FREM1: variants seen among roughly 807,000 people sequenced by gnomAD.
FREM1 encodes the protein FRAS1-related extracellular matrix protein 1.
Under a neutral mutation model 210.1 loss-of-function variants are expected in FREM1, and 220 were observed. The observed-to-expected ratio is 1.05, with a 90% confidence interval of 0.94 to 1.17. The LOEUF is 1.17. Ranked by LOEUF, FREM1 falls within the 50% of genes most tolerant of loss-of-function variation. FREM1 has a pLI of 0.00. For synonymous variants in FREM1, 1,189 were observed against 980.2 expected, an observed-to-expected ratio of 1.21 and a Z score of -3.98; for missense variants, 3,454 against 2,675.5, an observed-to-expected ratio of 1.29 and a Z score of -6.42.
chr9:14,862,267 T>C (rs1830727227), intron 3 of FREM1, among the ~76,000 whole-genome samples: 1 of 152,232 alleles, frequency 6.6e-6, no homozygotes, highest in African/African-American at 2.4e-5. Flanking sequence ...CTGTAATAGG[T>C]GGTCATAAAT....
intron 1 of FREM1, among the ~76,000 whole-genome samples, chr9:14,896,886 G>T (rs1355664428): frequency 1.3e-5 from 2 of 152,296 alleles, no homozygotes; most frequent in African/African-American, 2.4e-5. Flanking sequence ...ATTCAGCATT[G>T]CTCCTCAAGC....
chr9:14,809,849 A>G (rs1450418056), intron 16 of FREM1, among the ~76,000 whole-genome samples: 1 of 151,602 alleles, frequency 6.6e-6, no homozygotes, highest in Admixed American at 6.6e-5. Context: ...AATGGTAGAG[A>G]AGGAAATGCA....
chr9:14,762,499 GT>G (rs1179443371), intron 27 of FREM1, among the ~76,000 whole-genome samples: 1 of 152,112 alleles, frequency 6.6e-6, no homozygotes, highest in Non-Finnish European at 1.5e-5. Context: ...CAGCTTCAAG[GT>G]ATAAAGGGTC....
rs753711074 is a variant in FREM1 at position 14,824,123 on chromosome 9, G to C, written c.2079-8C>G. On this transcript the variant is annotated splice_polypyrimidine_tract_variant and splice_region_variant and intron_variant, in intron 11 of 36. Transcript: ENST00000380880. The stretch of plus-strand genomic sequence containing the variant: ...TTCCCAGCATCCAAGTGTCTAAAGA[G>C]AAATACAGAGGAGCACATCAGCTCA... 44 of 1,532,972 alleles carry C rather than the reference G, an allele frequency of 2.9e-5. No individual in the cohort carries two copies. Among genetic ancestry groups the C allele is most frequent in the Non-Finnish European group, 3.7e-5 (42 of 1,123,170 alleles). The allele number at this position is 1,532,972 out of a possible 1,614,324, so 95.0% of individuals were successfully genotyped here. A position where few individuals can be genotyped will look rare whatever the true frequency, so the allele number is the denominator to read the frequency against.
chr9:14,887,055 C>T (rs986466897), intron 1 of FREM1, among the ~76,000 whole-genome samples: 1 of 152,066 alleles, frequency 6.6e-6, no homozygotes, highest in Admixed American at 6.5e-5. Flanking sequence ...TAGTTATCCA[C>T]AGGACAACTG....
chr9:14,807,966 T>C lies in FREM1; in HGVS notation c.3062A>G (p.Asp1021Gly). ...YDLNITVYPV[D>G]NQPPSIAIGP... ...TATTGCAATGGAAGGTGGCTGGTTG[T>C]CTACTGGGTATACCGTGATGTTGAG... Residue 1021 changes from aspartate (D) to glycine (G), a missense_variant, in exon 17 of 37, where the codon GAC (aspartate) becomes GGC (glycine). By Grantham distance (94) the Asp-to-Gly change is moderately conservative. Coordinates refer to ENST00000380880, the MANE Select transcript of FREM1 (RefSeq NM_001379081.2). 2 of 1,613,406 alleles carry C rather than the reference T, an allele frequency of 1.2e-6. No homozygotes were observed. Among genetic ancestry groups the C allele is most frequent in the African/African-American group, 1.3e-5 (1 of 75,040 alleles).
At chr9:14,861,503 C>CTTTTT (rs775845478) in intron 3 of FREM1, among the ~76,000 whole-genome samples, 4 of 114,874 alleles carry the variant, frequency 3.5e-5, no homozygotes, top group Admixed American at 1.0e-4. Context: ...AGCATTTATC[C>CTTTTT]TTTTTTTTTT....
chr9:14,782,388 T>C, intron 24 of FREM1: 2 of 974,720 alleles, frequency 2.1e-6, no homozygotes, highest in South Asian at 4.8e-5. Flanking sequence ...TTTCTGAACA[T>C]CTTTATGCAT....
rs756730159 is a variant in FREM1 at position 14,775,984 on chromosome 9, C to G, written c.4662G>C (p.Gln1554His). 6.2e-7 allele frequency: 1 copy of G among 1,614,034 alleles called. No homozygotes were observed. Among genetic ancestry groups the G allele is most frequent in the Non-Finnish European group, 8.5e-7 (1 of 1,179,896 alleles). The change falls in exon 25 of 37, where the codon CAG becomes CAC. Residue 1554 changes from glutamine (Q) to histidine (H), a missense_variant. Physicochemically the swap from Gln to His is conservative, Grantham distance 24. Transcript: ENST00000380880. The stretch of plus-strand genomic sequence containing the variant: ...GTAGCCCTGTCCCCCACAGGTAGAG[C>G]TGGCCATGCTGGGGGAGCTGAACCA... ...FLLVQLPQHG[Q>H]LYLWGTGLLQ...
intron 14 of FREM1, among the ~76,000 whole-genome samples, chr9:14,817,981 G>C (rs1284402238): frequency 2.0e-5 from 3 of 152,178 alleles, no homozygotes; most frequent in Non-Finnish European, 4.4e-5. Flanking sequence ...CACATCCAAA[G>C]GATGACTGGA....
At position 14,806,728 on chromosome 9, in the gene FREM1, C is replaced by A. The variant is rs772475287; in HGVS notation, c.3207G>T (p.Gln1069His). 6.2e-7 allele frequency: 1 copy of A among 1,604,766 alleles called. No individual in the cohort carries two copies. The highest frequency in any genetic ancestry group is 1.7e-5 in the Admixed American group (1 of 58,826). The change falls in exon 18 of 37, where the codon CAG becomes CAT. Residue 1069 changes from glutamine to histidine, a missense_variant. By Grantham distance (24) the Gln-to-His change is conservative. Coordinates refer to ENST00000380880, the MANE Select transcript of FREM1 (RefSeq NM_001379081.2). Reference sequence around the variant, plus strand: ...GGAGTATATTTTCGAGGTAGCCAAACTGAGGAGGAGAAACCAAAACAAATT... The same window carrying A: ...GGAGTATATTTTCGAGGTAGCCAAAATGAGGAGGAGAAACCAAAACAAATT... ...DLEFVLVSPP[Q>H]FGYLENILPS...
At chr9:14,801,953 C>A in intron 19 of FREM1, 79 bp from the exon 20 acceptor site, 1 of 1,012,518 alleles carries the variant, frequency 9.9e-7, no homozygotes. Flanking sequence ...TTAAAGAAAT[C>A]ACTTGAATAT....
intron 8 of FREM1, among the ~76,000 whole-genome samples, chr9:14,844,972 C>A (rs1826329136): frequency 6.6e-6 from 1 of 152,176 alleles, no homozygotes; most frequent in South Asian, 2.1e-4. Context: ...TTAAACTGGC[C>A]TCCCACTGTC....
chr9:14,909,054 G>C (rs1052732665), intron 1 of FREM1, among the ~76,000 whole-genome samples: 1 of 152,108 alleles, frequency 6.6e-6, no homozygotes, highest in African/African-American at 2.4e-5. Flanking sequence ...CGAATCACTA[G>C]CTCTGTTCTG....
chr9:14,784,507 G>T lies in FREM1; in HGVS notation c.4305C>A (p.Ser1435=). ...KPEELLYVIT[S]PPRYGQIEYV... The stretch of plus-strand genomic sequence containing the variant: ...ATTCGATCTGGCCATATCGCGGAGG[G>T]GAGGTGATGACATAGAGCAGTTCCT... Residue 1435 remains serine, a synonymous_variant, in exon 24 of 37, where the codon TCC becomes TCA. Coordinates refer to ENST00000380880, the MANE Select transcript of FREM1 (RefSeq NM_001379081.2). 1 of 1,613,856 alleles carries T rather than the reference G, an allele frequency of 6.2e-7. No individual in the cohort carries two copies. The highest frequency in any genetic ancestry group is 8.5e-7 in the Non-Finnish European group (1 of 1,179,834).
chr9:14,859,391 C>G lies in FREM1; in HGVS notation c.423G>C (p.Val141=), dbSNP rs765748598. The G allele has an allele frequency of 5.0e-6, 8 of 1,613,922 alleles. No homozygotes were observed. In the South Asian group the frequency reaches 8.8e-5, roughly 18 times the overall value. ...AGCCATTGAATTCAGGCACCTCCAGCACATTGTTACTCATATGGATGATGT... is the reference window on the plus strand; with the variant it reads ...AGCCATTGAATTCAGGCACCTCCAGGACATTGTTACTCATATGGATGATGT... ...DCNIIHMSNN[V]LEVPEFNGLS... The change falls in exon 4 of 37, where the codon GTG becomes GTC. Residue 141 remains valine (V), a synonymous_variant. Transcript: ENST00000380880.
chr9:14,833,223 T>C (rs1403731909), intron 10 of FREM1, among the ~76,000 whole-genome samples: 1 of 152,070 alleles, frequency 6.6e-6, no homozygotes, highest in Non-Finnish European at 1.5e-5. Context: ...TAAGAGTGGT[T>C]TAGGGAGGGT....
At chr9:14,872,829 T>C (rs1457313600) in intron 1 of FREM1, among the ~76,000 whole-genome samples, 1 of 152,082 alleles carries the variant, frequency 6.6e-6, no homozygotes, top group Non-Finnish European at 1.5e-5. Flanking sequence ...TTTTATTATT[T>C]TGAGATATGT....
intron 7 of FREM1, 109 bp downstream of exon 7, chr9:14,848,556 G>T: frequency 1.9e-6 from 1 of 514,312 alleles, no homozygotes. Context: ...CTGGGTTTCA[G>T]TTGCCACATG....
Sources: allele counts gnomAD v4.1 joint callset (sites outside exome capture counted in the v4.1 genomes callset), GRCh38; gene constraint gnomAD v4.1.1; transcripts MANE v1.5; gene names NCBI Gene and HGNC (gene_info 2026-07-23, HGNC 2026-07-21).